Variants in SLC6A13 observed in about 807,000 individuals in gnomAD.
SLC6A13 encodes the protein sodium- and chloride-dependent GABA transporter 2.
Under a neutral mutation model 72.9 loss-of-function variants are expected in SLC6A13, and 69 were observed. That is an observed-to-expected ratio of 0.95 (90% CI 0.78 to 1.16). SLC6A13 has a LOEUF of 1.16. Ranked by LOEUF, SLC6A13 falls within the 50% of genes most tolerant of loss-of-function variation. The pLI is 0.00. For synonymous variants in SLC6A13, 303 were observed against 303.0 expected (o/e 1.00, Z 0.00); for missense variants, 735 against 760.5 (o/e 0.97, Z 0.39).
At chr12:249,343 C>A (rs919934545) in intron 2 of SLC6A13, among the ~76,000 whole-genome samples, 2 of 151,920 alleles carry the variant, frequency 1.3e-5, no homozygotes, top group Non-Finnish European at 2.9e-5. Context: ...AACAGGAAAG[C>A]AACAGAGAAA....
At chr12:251,039 C>A (rs1273338401) in intron 2 of SLC6A13, among the ~76,000 whole-genome samples, 1 of 151,626 alleles carries the variant, frequency 6.6e-6, no homozygotes, top group Non-Finnish European at 1.5e-5. Flanking sequence ...ACCTGTAGTC[C>A]CAGCTACTCG....
intron 4 of SLC6A13, 149 bp downstream of exon 4, chr12:242,465 T>C: frequency 3.4e-6 from 2 of 596,088 alleles, no homozygotes; most frequent in Admixed American, 3.6e-5. Flanking sequence ...GCTGGTGAAT[T>C]CTTGATCTTA....
chr12:251,573 A>G (rs1942549790), intron 2 of SLC6A13, among the ~76,000 whole-genome samples: 2 of 152,224 alleles, frequency 1.3e-5, no homozygotes, highest in South Asian at 4.1e-4. Context: ...ATATGATATC[A>G]AAAGTATGGT....
chr12:231,739 C>G (rs762087750), intron 7 of SLC6A13, among the ~76,000 whole-genome samples: 1 of 152,208 alleles, frequency 6.6e-6, no homozygotes, highest in Non-Finnish European at 1.5e-5. Context: ...CTTATGGCCT[C>G]ATTAATGCTC....
chr12:228,721 C>A (rs1008452206), intron 7 of SLC6A13, among the ~76,000 whole-genome samples: 2 of 152,188 alleles, frequency 1.3e-5, no homozygotes, highest in African/African-American at 4.8e-5. Flanking sequence ...ACGCTCACCC[C>A]TACCAAAGTG....
chr12:239,789 T>C (rs1942099662), intron 4 of SLC6A13, among the ~76,000 whole-genome samples: 1 of 152,116 alleles, frequency 6.6e-6, no homozygotes, highest in African/African-American at 2.4e-5. Flanking sequence ...CTAGGTGCTC[T>C]CTCCACTAAA....
Position 234,893 on chromosome 12 carries a change from ACC to A in SLC6A13, c.831+195_831+196del, listed in dbSNP as rs566770323. Among the ~76,000 whole-genome samples the A allele has an allele frequency of 4.2e-3, 632 of 152,020 alleles. 5 individuals are homozygous for A. The highest frequency in any genetic ancestry group is 0.014 in the African/African-American group (598 of 41,440). ...ATTCCTTCTTGTGAGAGGTCCAAGA[ACC>A]CTCTCTTGGGGTCTGGATTGAGACC... On this transcript the variant is annotated intron_variant, in intron 7 of 14. Transcript: ENST00000343164.
chr12:241,251 C>T (rs1287750033), intron 4 of SLC6A13, among the ~76,000 whole-genome samples: 2 of 152,092 alleles, frequency 1.3e-5, no homozygotes, highest in African/African-American at 4.8e-5. Flanking sequence ...TGCAGTGAGC[C>T]AAGATCGCGC....
intron 6 of SLC6A13, among the ~76,000 whole-genome samples, chr12:236,421 T>C (rs1565496942): frequency 6.6e-6 from 1 of 152,098 alleles, no homozygotes; most frequent in Admixed American, 6.6e-5. Flanking sequence ...TTATGGAAAA[T>C]AGAAAGAACC....
At chr12:236,813 T>C (rs1941948469) in intron 6 of SLC6A13, 1 of 172,708 alleles carries the variant, frequency 5.8e-6, no homozygotes. Flanking sequence ...AAGAATCATT[T>C]TGAGATGAAG....
intron 7 of SLC6A13, among the ~76,000 whole-genome samples, chr12:233,440 G>A (rs913275413): frequency 3.9e-5 from 6 of 152,202 alleles, no homozygotes; most frequent in South Asian, 2.1e-4. Flanking sequence ...AAAAAAGCCC[G>A]CTGTAGTAGA....
chr12:224,004 G>A lies in SLC6A13; in HGVS notation c.1299C>T (p.Ile433=). 3.7e-6 allele frequency: 6 copies of A among 1,612,526 alleles called. No homozygotes were observed. Among genetic ancestry groups the A allele is most frequent in the Non-Finnish European group, 5.1e-6 (6 of 1,179,530 alleles). Residue 433 remains isoleucine (I), a synonymous_variant, in exon 11 of 15, where the codon ATC becomes ATT. Transcript: ENST00000343164. ...CCCAGGCCCTCACCTCTGTGAGCAT[G>A]ATCAGCCCCACAAGGAAGGAGACGA... ...VSVVSFLVGL[I]MLTEGGMYVF...
intron 4 of SLC6A13, among the ~76,000 whole-genome samples, chr12:242,133 C>T (rs1035140257): frequency 3.3e-5 from 5 of 152,144 alleles, no homozygotes; most frequent in African/African-American, 9.7e-5. Flanking sequence ...TTAAGCGACA[C>T]GTGACTGTAA....
chr12:247,007 C>CAAAAAAAAA (rs747908813), intron 2 of SLC6A13, among the ~76,000 whole-genome samples: 1 of 113,166 alleles, frequency 8.8e-6, no homozygotes, highest in Non-Finnish European at 1.8e-5. Context: ...GACTCCATCT[C>CAAAAAAAAA]AAAAAAAAAA....
rs778498581 is a variant in SLC6A13 at position 226,538 on chromosome 12, G to A, written c.936-24C>T. On this transcript the variant is annotated intron_variant, in intron 8 of 14. Transcript: ENST00000343164. ...CCCTGTGGGGCAGGGGTGAGGAGAG[G>A]GCGGAATGGCAGGGTCAGAACAGGG... 3.0e-5 allele frequency: 48 copies of A among 1,610,810 alleles called. No individual in the cohort carries two copies. The South Asian group carries it at 4.3e-4, about 14-fold the overall frequency.
At chr12:251,962 T>A (rs1166005321) in intron 2 of SLC6A13, among the ~76,000 whole-genome samples, 2 of 151,818 alleles carry the variant, frequency 1.3e-5, no homozygotes, top group Non-Finnish European at 2.9e-5. Context: ...GGTGACAGAG[T>A]GAGATCCCAT....
At chr12:252,474 TTAACTA>T (rs1353478154) in intron 2 of SLC6A13, among the ~76,000 whole-genome samples, 2 of 152,246 alleles carry the variant, frequency 1.3e-5, no homozygotes, top group East Asian at 3.8e-4. Context: ...ATTGTACACT[TTAACTA>T]TGTGTGGTTT....
At chr12:233,447 T>C (rs577140) in intron 7 of SLC6A13, among the ~76,000 whole-genome samples, 145,465 of 152,294 alleles carry the variant, frequency 0.96, 69,737 homozygotes, top group Non-Finnish European at 1. Context: ...CCCGCTGTAG[T>C]AGAGGGAGTG....
chr12:243,293 G>A (rs1335368861), intron 3 of SLC6A13, among the ~76,000 whole-genome samples: 1 of 152,352 alleles, frequency 6.6e-6, no homozygotes, highest in African/African-American at 2.4e-5. Context: ...GGGATTACAG[G>A]CATGGGCCAC....
Sources: gnomAD v4.1 joint callset for allele counts (sites outside exome capture counted in the v4.1 genomes callset) on GRCh38, gnomAD v4.1.1 for gene constraint, MANE v1.5 for transcripts, NCBI Gene and HGNC (gene_info 2026-07-23, HGNC 2026-07-21) for gene names.